The following ASH1L variants were observed in gnomAD, a reference collection of about 807,000 sequenced individuals.
ASH1L encodes the protein histone-lysine N-methyltransferase ASH1L.
ASH1L carries 23 observed loss-of-function variants against 269.0 expected under a neutral mutation model. The ratio of observed to expected loss-of-function variants is 0.09; its 90% CI spans 0.06 to 0.12. ASH1L has a LOEUF of 0.12. Ranked by LOEUF, ASH1L falls within the 10% of genes least tolerant of loss-of-function variation. ASH1L has a pLI of 1.00. For synonymous variants in ASH1L, 1,187 were observed against 1,253.5 expected (o/e 0.95, Z 1.12); for missense variants, 2,912 against 3,567.8 (o/e 0.82, Z 4.68).
At chr1:155,544,253 T>C (rs1670640218) in intron 1 of ASH1L, among the ~76,000 whole-genome samples, 1 of 151,628 alleles carries the variant, frequency 6.6e-6, no homozygotes, top group East Asian at 1.9e-4. Flanking sequence ...ATCTGAATGT[T>C]CATGACTATT....
At chr1:155,369,307 C>T (rs577089906) in intron 12 of ASH1L, among the ~76,000 whole-genome samples, 1 of 152,108 alleles carries the variant, frequency 6.6e-6, no homozygotes, top group Admixed American at 6.5e-5. Flanking sequence ...ATTAGCCGGG[C>T]GTGGTGGCAG....
chr1:155,490,612 C>T (rs1002365353), intron 2 of ASH1L, among the ~76,000 whole-genome samples: 8 of 68,230 alleles, frequency 1.2e-4, no homozygotes, highest in Non-Finnish European at 1.5e-4. Context: ...AGCCAGACTA[C>T]GTCACACACA....
intron 2 of ASH1L, among the ~76,000 whole-genome samples, chr1:155,513,724 C>T (rs143800024): frequency 9.9e-5 from 15 of 152,186 alleles, no homozygotes; most frequent in African/African-American, 3.1e-4. Flanking sequence ...GATATTTCTA[C>T]ACACATGTTC....
At chr1:155,435,949 G>C (rs1662050811) in intron 5 of ASH1L, among the ~76,000 whole-genome samples, 1 of 152,160 alleles carries the variant, frequency 6.6e-6, no homozygotes, top group South Asian at 2.1e-4. Context: ...TGCTCAAGAG[G>C]CTGAAGCAGG....
At chr1:155,562,113 G>C in intron 1 of ASH1L, 40 bp downstream of exon 1, 1 of 1,301,200 alleles carries the variant, frequency 7.7e-7, no homozygotes, top group Non-Finnish European at 1.1e-6. Context: ...CGCTGAGAGA[G>C]TGCTTAGGCC....
At chr1:155,427,623 G>A (rs1048343757) in intron 5 of ASH1L, among the ~76,000 whole-genome samples, 1 of 152,024 alleles carries the variant, frequency 6.6e-6, no homozygotes, top group African/African-American at 2.4e-5. Flanking sequence ...ATTTTTAGTA[G>A]AGATGGGTGT....
At chr1:155,526,944 G>A (rs763399026) in intron 1 of ASH1L, among the ~76,000 whole-genome samples, 15 of 152,288 alleles carry the variant, frequency 9.8e-5, no homozygotes, top group African/African-American at 3.4e-4. Flanking sequence ...GATGGCTCAC[G>A]CCTGTAATCC....
At chr1:155,499,859 T>C (rs1158406438) in intron 2 of ASH1L, among the ~76,000 whole-genome samples, 5 of 152,150 alleles carry the variant, frequency 3.3e-5, no homozygotes, top group African/African-American at 1.2e-4. Flanking sequence ...TTTTTTCCAT[T>C]AGCAAGATCA....
chr1:155,453,732 G>A (rs1253755967), intron 4 of ASH1L, among the ~76,000 whole-genome samples: 1 of 152,124 alleles, frequency 6.6e-6, no homozygotes, highest in African/African-American at 2.4e-5. Context: ...CCGGGAGGCA[G>A]AGGCTTCAGT....
rs58516453 is a variant in ASH1L at position 155,493,008 on chromosome 1, A to G, written c.421-10559T>C. Among the ~76,000 whole-genome samples, 930 of 152,046 alleles carry G rather than the reference A, an allele frequency of 6.1e-3. 10 individuals carry two copies. Among genetic ancestry groups the G allele is most frequent in the African/African-American group, 0.022 (907 of 41,460 alleles). On this transcript the variant is annotated intron_variant, in intron 2 of 27. Transcript: ENST00000392403. ...CTGGCTAATTTTTTCTAGAGATAAGACACTCACTTTGTTGCCCAGGCTGGT... is the reference window on the plus strand; with the variant it reads ...CTGGCTAATTTTTTCTAGAGATAAGGCACTCACTTTGTTGCCCAGGCTGGT...
chr1:155,546,318 G>A (rs530136651), intron 1 of ASH1L, among the ~76,000 whole-genome samples: 9 of 150,798 alleles, frequency 6.0e-5, no homozygotes, highest in Admixed American at 2.0e-4. Flanking sequence ...GCAACAAAGC[G>A]AGACTCTGAC....
At chr1:155,443,436 C>T (rs1052109525) in intron 4 of ASH1L, among the ~76,000 whole-genome samples, 5 of 152,186 alleles carry the variant, frequency 3.3e-5, no homozygotes, top group Non-Finnish European at 2.9e-5. Context: ...TCAAAATTAA[C>T]TTCACTGTGG....
intron 21 of ASH1L, 93 bp from the exon 22 acceptor site, chr1:155,344,366 G>A: frequency 1.1e-6 from 1 of 951,784 alleles, no homozygotes. Context: ...AAAACTTACT[G>A]TTTAGTCATT....
At chr1:155,510,066 T>C (rs911438271) in intron 2 of ASH1L, among the ~76,000 whole-genome samples, 4 of 149,048 alleles carry the variant, frequency 2.7e-5, no homozygotes, top group South Asian at 2.1e-4. Context: ...AAGCTAAATA[T>C]TTCTGCATGG....
At chr1:155,458,583 G>T (rs1664036018) in intron 4 of ASH1L, among the ~76,000 whole-genome samples, 1 of 152,124 alleles carries the variant, frequency 6.6e-6, no homozygotes, top group Admixed American at 6.5e-5. Context: ...CGGGTATCAT[G>T]GTGGGCACCT....
intron 10 of ASH1L, among the ~76,000 whole-genome samples, chr1:155,376,200 C>T (rs569034727): frequency 6.6e-6 from 1 of 152,308 alleles, no homozygotes; most frequent in Admixed American, 6.5e-5. Context: ...ATGCAAAACA[C>T]TATGTGAACC....
At chr1:155,367,892 T>C (rs1298226921) in intron 12 of ASH1L, among the ~76,000 whole-genome samples, 1 of 152,214 alleles carries the variant, frequency 6.6e-6, no homozygotes, top group African/African-American at 2.4e-5. Context: ...TGTGTCTATG[T>C]TCATGGAACA....
chr1:155,429,213 CTA>C (rs1558094507), intron 5 of ASH1L, among the ~76,000 whole-genome samples: 1 of 152,036 alleles, frequency 6.6e-6, no homozygotes, highest in Admixed American at 6.6e-5. Flanking sequence ...TTTAACATGA[CTA>C]TGTTGAGCAA....
intron 12 of ASH1L, among the ~76,000 whole-genome samples, chr1:155,367,630 T>C (rs1655552384): frequency 6.6e-6 from 1 of 152,208 alleles, no homozygotes; most frequent in African/African-American, 2.4e-5. Context: ...TTCCTTTTTA[T>C]TCCTAGTTTG....
Sources: gnomAD v4.1 joint callset for allele counts (sites outside exome capture counted in the v4.1 genomes callset) on GRCh38, gnomAD v4.1.1 for gene constraint, MANE v1.5 for transcripts, NCBI Gene and HGNC (gene_info 2026-07-23, HGNC 2026-07-21) for gene names.